The following UST variants were observed in gnomAD, a reference collection of about 807,000 sequenced individuals.
UST encodes the protein uronyl 2-sulfotransferase.
Under a neutral mutation model 45.6 loss-of-function variants are expected in UST, and 21 were observed. The ratio of observed to expected loss-of-function variants is 0.46; its 90% CI spans 0.33 to 0.66. UST has a LOEUF of 0.66. UST is among the 30% of genes least tolerant of loss of function. UST has a pLI of 0.02. For synonymous variants in UST, 215 were observed against 200.6 expected, an observed-to-expected ratio of 1.07 and a Z score of -0.61; for missense variants, 463 against 512.4, an observed-to-expected ratio of 0.90 and a Z score of 0.93.
intron 1 of UST, among the ~76,000 whole-genome samples, chr6:148,760,000 T>C (rs1198582394): frequency 1.3e-5 from 2 of 152,132 alleles, no homozygotes; most frequent in East Asian, 1.9e-4. Context: ...CAAGAGGTCA[T>C]ATAATTGTAG....
At chr6:148,755,648 T>A (rs1776080135) in intron 1 of UST, among the ~76,000 whole-genome samples, 1 of 147,530 alleles carries the variant, frequency 6.8e-6, no homozygotes, top group Non-Finnish European at 1.5e-5. Flanking sequence ...TGGTTTCTTT[T>A]TTTTTTCTTT....
intron 3 of UST, among the ~76,000 whole-genome samples, chr6:148,949,981 C>T (rs999236824): frequency 6.6e-6 from 1 of 152,194 alleles, no homozygotes; most frequent in African/African-American, 2.4e-5. Context: ...TGGATACCAT[C>T]ACGTATTTGG....
At chr6:149,034,876 C>A (rs1776219214) in intron 7 of UST, among the ~76,000 whole-genome samples, 1 of 133,000 alleles carries the variant, frequency 7.5e-6, no homozygotes, top group Non-Finnish European at 1.5e-5. Context: ...CTCTCTCTCT[C>A]TCTCTCTCTC....
intron 1 of UST, among the ~76,000 whole-genome samples, chr6:148,876,829 G>A (rs1019015289): frequency 1.6e-4 from 24 of 151,474 alleles, no homozygotes; most frequent in Non-Finnish European, 3.4e-4. Context: ...TGCTGACCAC[G>A]TTTCCTTATC....
chr6:148,839,949 T>A (rs1562273560), intron 1 of UST, among the ~76,000 whole-genome samples: 1 of 152,202 alleles, frequency 6.6e-6, no homozygotes, highest in Non-Finnish European at 1.5e-5. Context: ...TAGAGCTTTT[T>A]TCATAGTACC....
chr6:148,964,590 G>A (rs768611703), intron 5 of UST, 27 bp downstream of exon 5: 5 of 1,611,136 alleles, frequency 3.1e-6, no homozygotes, highest in Non-Finnish European at 4.2e-6. Flanking sequence ...GCAAAAGGCG[G>A]TCTCCCCACT....
At chr6:149,037,590 G>A (rs1481073122) in intron 7 of UST, among the ~76,000 whole-genome samples, 1 of 152,194 alleles carries the variant, frequency 6.6e-6, no homozygotes, top group East Asian at 1.9e-4. Context: ...TGTTCAGTGG[G>A]GCCCCTGTGC....
At chr6:149,000,021 C>T (rs1299903743) in intron 5 of UST, among the ~76,000 whole-genome samples, 1 of 152,192 alleles carries the variant, frequency 6.6e-6, no homozygotes, top group African/African-American at 2.4e-5. Flanking sequence ...AATCCACAGG[C>T]CAGCTGGGCT....
intron 1 of UST, among the ~76,000 whole-genome samples, chr6:148,844,389 C>T (rs1777945180): frequency 6.6e-6 from 1 of 152,068 alleles, no homozygotes; most frequent in African/African-American, 2.4e-5. Flanking sequence ...CCAGTTCTCG[C>T]CTGTTTTCAA....
At chr6:148,941,569 CAG>C in intron 3 of UST, 135 bp downstream of exon 3, 1 of 1,095,650 alleles carries the variant, frequency 9.1e-7, no homozygotes, top group South Asian at 1.7e-5. Flanking sequence ...GTATTTTTGC[CAG>C]AGTGTGGAAG....
chr6:148,821,070 A>G, intron 1 of UST, among the ~76,000 whole-genome samples: 1 of 147,268 alleles, frequency 6.8e-6, no homozygotes. Flanking sequence ...CCCAGGTTCA[A>G]GCAATTCTCC....
At chr6:149,026,816 T>C (rs1776056998) in intron 7 of UST, among the ~76,000 whole-genome samples, 1 of 152,214 alleles carries the variant, frequency 6.6e-6, no homozygotes, top group South Asian at 2.1e-4. Flanking sequence ...ACTACATTAG[T>C]ATTCATTTTC....
At chr6:148,769,448 C>CTTCA (rs1776378347) in intron 1 of UST, among the ~76,000 whole-genome samples, 1 of 152,258 alleles carries the variant, frequency 6.6e-6, no homozygotes, top group Admixed American at 6.5e-5. Context: ...AAACATTGGG[C>CTTCA]TTCAAATCAG....
intron 3 of UST, among the ~76,000 whole-genome samples, chr6:148,942,441 C>T (rs144355779): frequency 1.3e-3 from 198 of 152,154 alleles, no homozygotes; most frequent in African/African-American, 4.4e-3. Flanking sequence ...GCCTGTAGTC[C>T]CAGCTATTCG....
intron 1 of UST, among the ~76,000 whole-genome samples, chr6:148,821,301 CGTT>C (rs1489300253): frequency 1.3e-5 from 2 of 151,792 alleles, no homozygotes; most frequent in South Asian, 4.2e-4. Context: ...AATCCAATAA[CGTT>C]GTAGAATTAC....
chr6:148,903,569 C>G (rs1313841561), intron 2 of UST, among the ~76,000 whole-genome samples: 1 of 152,144 alleles, frequency 6.6e-6, no homozygotes, highest in Non-Finnish European at 1.5e-5. Flanking sequence ...TTTAATTCAA[C>G]TTTATTTTAT....
intron 4 of UST, among the ~76,000 whole-genome samples, chr6:148,960,052 G>A (rs974582397): frequency 1.3e-5 from 2 of 152,038 alleles, no homozygotes; most frequent in African/African-American, 2.4e-5. Context: ...ACTTTGGGAG[G>A]CCGAGGCAGG....
chr6:148,936,573 CTTTTTTTTTT>C (rs138494669), intron 2 of UST, among the ~76,000 whole-genome samples: 30 of 85,336 alleles, frequency 3.5e-4, no homozygotes, highest in African/African-American at 1.2e-3. Flanking sequence ...AAAATCAGTC[CTTTTTTTTTT>C]TTTTTTTTTT....
intron 2 of UST, among the ~76,000 whole-genome samples, chr6:148,916,547 G>A (rs558718005): frequency 3.9e-5 from 6 of 152,274 alleles, no homozygotes; most frequent in East Asian, 1.9e-4. Flanking sequence ...ACTCACTGGC[G>A]GATCTTAGCC....
Sources: gnomAD v4.1 joint callset for allele counts (sites outside exome capture counted in the v4.1 genomes callset) on GRCh38, gnomAD v4.1.1 for gene constraint, MANE v1.5 for transcripts, NCBI Gene and HGNC (gene_info 2026-07-23, HGNC 2026-07-21) for gene names.